ANKRD30A: variants seen among roughly 807,000 people sequenced by gnomAD.
The protein encoded by ANKRD30A is ankyrin repeat domain 30A, also known as ankyrin repeat domain-containing protein 30A.
In ANKRD30A, 170 loss-of-function variants were observed where a neutral mutation model predicts 166.3. That is an observed-to-expected ratio of 1.02 (90% CI 0.90 to 1.16). ANKRD30A has a LOEUF of 1.16. Among genes scored for constraint, ANKRD30A ranks in the 50% most tolerant of loss-of-function variants. The pLI is 0.00. For missense variants in ANKRD30A, 1,630 were observed against 1,518.0 expected (o/e 1.07, Z -1.23); for synonymous variants, 564 against 508.9 (o/e 1.11, Z -1.46).
chr10:37,254,314 A>G, the ANKRD30A span, among the ~76,000 whole-genome samples: 5 of 152,056 alleles, frequency 3.3e-5, no homozygotes, highest in Non-Finnish European at 5.9e-5. Flanking sequence ...AGTGTGTACT[A>G]TTTTACTTTC....
chr10:37,162,215 A>G lies in ANKRD30A; in HGVS notation c.1901-434A>G, dbSNP rs571910810. On this transcript the variant is annotated intron_variant, in intron 15 of 35. Coordinates refer to ENST00000361713, the MANE Select transcript of ANKRD30A (RefSeq NM_052997.3). ...CAAGCTGAACAATTCATAACATTTC[A>G]GAGACAAGATGTCAGTTCTACATTC... Among the ~76,000 whole-genome samples the G allele has an allele frequency of 2.6e-5, 4 of 152,296 alleles. No individual in the cohort carries two copies. The East Asian group carries it at 7.7e-4, about 29-fold the overall frequency.
At chr10:37,141,592 A>G (rs939796500) in intron 6 of ANKRD30A, 126 bp from the exon 7 acceptor site, 23 of 1,303,260 alleles carry the variant, frequency 1.8e-5, no homozygotes, top group South Asian at 6.0e-5. Flanking sequence ...AAAAAAAAAA[A>G]AGAGAAAAGA....
chr10:37,137,627 C>T (rs764602658), intron 6 of ANKRD30A, among the ~76,000 whole-genome samples: 1 of 152,150 alleles, frequency 6.6e-6, no homozygotes, highest in Non-Finnish European at 1.5e-5. Context: ...TTGCTCATTG[C>T]TAGCACAGCA....
In ANKRD30A at chr10:37,191,260, T is replaced by TTGGCCAA. The variant is rs1457379314; in HGVS notation, c.2512+1703_2512+1704insTGGCCAA. On this transcript the variant is annotated intron_variant, in intron 25 of 35. Coordinates refer to ENST00000361713, the MANE Select transcript of ANKRD30A (RefSeq NM_052997.3). Reference sequence around the variant, plus strand: ...CAAAAATGTTGGCATACTATTCCAGTATATGGGTATGAAAATCAAGGAATA... The same window carrying TTGGCCAA: ...CAAAAATGTTGGCATACTATTCCAGTTGGCCAAATATGGGTATGAAAATCAAGGAATA... 1.3e-3 allele frequency among the ~76,000 whole-genome samples: 193 copies of TTGGCCAA among 151,964 alleles called. 6 individuals are homozygous for TTGGCCAA. The highest frequency in any genetic ancestry group is 4.6e-3 in the African/African-American group (190 of 41,382).
chr10:37,159,342 C>G (rs2132584547), intron 15 of ANKRD30A, among the ~76,000 whole-genome samples: 1 of 152,014 alleles, frequency 6.6e-6, no homozygotes, highest in East Asian at 1.9e-4. Context: ...ATTAGTGAAA[C>G]CCCATCTCTA....
At chr10:37,265,145 G>A in the ANKRD30A span, among the ~76,000 whole-genome samples, 1 of 151,966 alleles carries the variant, frequency 6.6e-6, no homozygotes, top group East Asian at 1.9e-4. Context: ...TGAGATTAAA[G>A]GTCTTTATAC....
the ANKRD30A span, among the ~76,000 whole-genome samples, chr10:37,258,175 A>G: frequency 6.6e-6 from 1 of 152,260 alleles, no homozygotes; most frequent in Non-Finnish European, 1.5e-5. Flanking sequence ...AAAAGATACA[A>G]AATGCTTATG....
At position 37,125,944 on chromosome 10, in the gene ANKRD30A, A is replaced by T. The variant is rs773079926; in HGVS notation, c.157A>T (p.Lys53Ter). Residue 53 changes from lysine (K) to a stop codon, truncating the protein, a stop_gained, in exon 1 of 36, where the codon AAG becomes TAG. Transcript: ENST00000361713. LOFTEE classifies it high-confidence loss of function. Reference protein sequence around the residue: ...HKAASRGQVRKLEKMTKRKKT... With the variant: ...HKAASRGQVR ...AGCTGCCTCCCGGGGACAAGTCCGG[A>T]AGCTGGAGAAGATGACAAAGAGGAA... 2 of 1,612,090 alleles carry T rather than the reference A, an allele frequency of 1.2e-6. No individual in the cohort carries two copies. Among genetic ancestry groups the T allele is most frequent in the Non-Finnish European group, 1.7e-6 (2 of 1,179,944 alleles).
intron 1 of ANKRD30A, among the ~76,000 whole-genome samples, chr10:37,129,206 G>C (rs1231170986): frequency 1.3e-5 from 2 of 152,128 alleles, no homozygotes; most frequent in African/African-American, 4.8e-5. Flanking sequence ...TTCTTGGAAG[G>C]CACTGTGAAT....
At chr10:37,213,214 A>G (rs1397458269) in intron 31 of ANKRD30A, among the ~76,000 whole-genome samples, 1 of 151,886 alleles carries the variant, frequency 6.6e-6, no homozygotes, top group Non-Finnish European at 1.5e-5. Flanking sequence ...AATTCTCACC[A>G]TTGTGGAAGC....
intron 21 of ANKRD30A, among the ~76,000 whole-genome samples, chr10:37,171,589 C>G (rs1391722961): frequency 6.6e-6 from 1 of 151,656 alleles, no homozygotes; most frequent in Non-Finnish European, 1.5e-5. Flanking sequence ...AGATCAGAAG[C>G]TAGAACAAGA....
chr10:37,245,026 G>A, the ANKRD30A span, among the ~76,000 whole-genome samples: 1 of 152,132 alleles, frequency 6.6e-6, no homozygotes, highest in Admixed American at 6.6e-5. Context: ...GCAGAGCAAG[G>A]ATTTTGATTG....
At chr10:37,199,491 G>T (rs1309128312) in intron 29 of ANKRD30A, among the ~76,000 whole-genome samples, 1 of 151,964 alleles carries the variant, frequency 6.6e-6, no homozygotes, top group East Asian at 1.9e-4. Flanking sequence ...ATTCATAGAA[G>T]TTAGTCAAAT....
rs12766884 is a variant in ANKRD30A at position 37,162,658 on chromosome 10, G to A, written c.1910G>A (p.Gly637Glu). 90,485 of 1,607,734 alleles carry A rather than the reference G, an allele frequency of 0.056. 2,921 individuals are homozygous for A. Among genetic ancestry groups the A allele is most frequent in the Non-Finnish European group, 0.06 (70,466 of 1,176,076 alleles). ...CTCTTTTGCTTTTTAGAGCCTCCGG[G>A]GAAGCCATCTGCCTTCGAGGTATTT... is the stretch of plus-strand genomic sequence containing the variant. ...DMQTFKAEPPGKPSAFEPATE... is the reference protein window; with the variant it reads ...DMQTFKAEPPEKPSAFEPATE... Residue 637 changes from glycine to glutamate, a missense_variant, in exon 16 of 36, where the codon GGG (glycine) becomes GAG (glutamate). Transcript: ENST00000361713.
intron 13 of ANKRD30A, among the ~76,000 whole-genome samples, chr10:37,157,448 A>G (rs1042921622): frequency 2.2e-4 from 34 of 152,170 alleles, no homozygotes; most frequent in Non-Finnish European, 8.8e-5. Context: ...TCATTGCAAC[A>G]TCTGCCTCCT....
chr10:37,246,664 G>T, the ANKRD30A span, among the ~76,000 whole-genome samples: 1 of 152,178 alleles, frequency 6.6e-6, no homozygotes, highest in Non-Finnish European at 1.5e-5. Context: ...TAGCTTTAGT[G>T]CCTGTGGTAG....
chr10:37,161,880 A>T (rs1838913757), intron 15 of ANKRD30A, among the ~76,000 whole-genome samples: 1 of 152,220 alleles, frequency 6.6e-6, no homozygotes. Flanking sequence ...AGGAACTGAG[A>T]AAATACTGAA....
intron 5 of ANKRD30A, among the ~76,000 whole-genome samples, chr10:37,134,937 T>C (rs1475884575): frequency 1.3e-5 from 2 of 152,214 alleles, no homozygotes; most frequent in Non-Finnish European, 2.9e-5. Context: ...ATATCCTGTG[T>C]AGTGCCATTT....
the ANKRD30A span, among the ~76,000 whole-genome samples, chr10:37,259,026 A>G: frequency 6.6e-6 from 1 of 151,166 alleles, no homozygotes; most frequent in Non-Finnish European, 1.5e-5. Flanking sequence ...ATGACACTGG[A>G]GTTGACAAAA....
Sources: gnomAD v4.1 joint callset for allele counts (sites outside exome capture counted in the v4.1 genomes callset) on GRCh38, gnomAD v4.1.1 for gene constraint, MANE v1.5 for transcripts, NCBI Gene and HGNC (gene_info 2026-07-23, HGNC 2026-07-21) for gene names.